Variants in SAMD5 observed in about 807,000 individuals in gnomAD.
SAMD5 encodes the protein sterile alpha motif domain-containing protein 5.
SAMD5 carries 13 observed loss-of-function variants against 11.3 expected under a neutral mutation model. That is an observed-to-expected ratio of 1.15 (90% CI 0.75 to 1.83). The LOEUF is 1.83. Among genes scored for constraint, SAMD5 ranks in the 40% most tolerant of loss-of-function variants. SAMD5 has a pLI of 0.00. For missense variants in SAMD5, 255 were observed against 239.1 expected (o/e 1.07, Z -0.44); for synonymous variants, 129 against 111.3 (o/e 1.16, Z -1.00).
At chr6:147,745,698 T>G in the SAMD5 span, among the ~76,000 whole-genome samples, 2 of 152,108 alleles carry the variant, frequency 1.3e-5, no homozygotes, top group Non-Finnish European at 2.9e-5. Flanking sequence ...TGTGTCTCAC[T>G]AGTGATTTAG....
chr6:147,625,974 G>C (rs1333816341), intron 1 of SAMD5, among the ~76,000 whole-genome samples: 5 of 152,134 alleles, frequency 3.3e-5, no homozygotes, highest in Admixed American at 2.6e-4. Flanking sequence ...CTTGTTTGCT[G>C]TTAAGGGTAG....
At chr6:147,738,543 G>A (rs1283217543), downstream of SAMD5, among the ~76,000 whole-genome samples, 1 of 152,164 alleles carries the variant, frequency 6.6e-6, no homozygotes, top group Non-Finnish European at 1.5e-5. Flanking sequence ...GGAATACTTG[G>A]CTTCATTATG....
chr6:147,628,857 G>A lies in SAMD5; in HGVS notation c.163-108460G>A, dbSNP rs1213162283. Among the ~76,000 whole-genome samples, 3 of 152,258 alleles carry A rather than the reference G, an allele frequency of 2.0e-5. No homozygotes were observed. In the East Asian group the frequency reaches 5.8e-4, roughly 29 times the overall value. ...GGTTGGGTTCATAATTGATTGAATA[G>A]CCATACCCAAAGAGTGCTCATTATC... On this transcript the variant is annotated intron_variant, in intron 1 of 1. Coordinates refer to the SAMD5 transcript ENST00000566741.
chr6:147,564,716 A>T lies in SAMD5; in HGVS notation c.*260A>T. On this transcript the variant is annotated 3_prime_UTR_variant, in exon 2 of 2. Transcript: ENST00000367474. ...TTTTTTAAGAAGATATCATGATGAG[A>T]TACAGTCTTATGCATTTCTTGGCAT... 4.3e-6 allele frequency: 5 copies of T among 1,171,850 alleles called. No homozygotes were observed. Among genetic ancestry groups the T allele is most frequent in the East Asian group, 1.0e-4 (2 of 19,370 alleles). The allele number at this position is 1,171,850 out of a possible 1,614,324, so 72.6% of individuals were successfully genotyped here. A position where few individuals can be genotyped will look rare whatever the true frequency, so the allele number is the denominator to read the frequency against.
chr6:147,830,446 G>A, the SAMD5 span, among the ~76,000 whole-genome samples: 3 of 151,282 alleles, frequency 2.0e-5, no homozygotes, highest in African/African-American at 4.9e-5. Flanking sequence ...TAGTGGAGAC[G>A]GGGTTTCACC....
At chr6:147,690,842 C>T (rs1318954939) in intron 1 of SAMD5, among the ~76,000 whole-genome samples, 1 of 152,108 alleles carries the variant, frequency 6.6e-6, no homozygotes, top group African/African-American at 2.4e-5. Context: ...CAGATGTTGG[C>T]ATTCACCATC....
At chr6:147,666,474 C>T (rs1305504289) in intron 1 of SAMD5, among the ~76,000 whole-genome samples, 1 of 152,148 alleles carries the variant, frequency 6.6e-6, no homozygotes, top group African/African-American at 2.4e-5. Flanking sequence ...GCTAAAGCTT[C>T]AGGCCCTTCC....
the SAMD5 span, among the ~76,000 whole-genome samples, chr6:147,840,170 T>G: frequency 0.11 from 16,946 of 152,140 alleles, 1,179 homozygotes; most frequent in East Asian, 0.34. Context: ...ATTTGCTGAG[T>G]TTTTTGCTCA....
intron 1 of SAMD5, among the ~76,000 whole-genome samples, chr6:147,680,384 G>T (rs1169999352): frequency 6.6e-6 from 1 of 152,016 alleles, no homozygotes; most frequent in Non-Finnish European, 1.5e-5. Flanking sequence ...CTACAAACTT[G>T]CTAAACTCAC....
chr6:147,708,117 G>A (rs1791348948), intron 1 of SAMD5, among the ~76,000 whole-genome samples: 1 of 152,068 alleles, frequency 6.6e-6, no homozygotes, highest in Admixed American at 6.5e-5. Flanking sequence ...CAGAACCTCA[G>A]AATGTGACTG....
chr6:147,881,884 C>T, the SAMD5 span, among the ~76,000 whole-genome samples: 1 of 152,186 alleles, frequency 6.6e-6, no homozygotes, highest in Admixed American at 6.5e-5. Flanking sequence ...ATGTGAGAAA[C>T]TACCACAGGA....
the SAMD5 span, among the ~76,000 whole-genome samples, chr6:147,825,631 G>A: frequency 6.6e-6 from 1 of 152,096 alleles, no homozygotes; most frequent in Non-Finnish European, 1.5e-5. Context: ...TCTATTACAG[G>A]TGGGTAGTAT....
intron 1 of SAMD5, among the ~76,000 whole-genome samples, chr6:147,516,420 T>C (rs1160178086): frequency 1.3e-5 from 2 of 152,166 alleles, no homozygotes; most frequent in African/African-American, 4.8e-5. Flanking sequence ...TGCTCCATAC[T>C]AGGTCACTGT....
At chr6:147,706,597 G>A (rs1202267490) in intron 1 of SAMD5, among the ~76,000 whole-genome samples, 1 of 152,212 alleles carries the variant, frequency 6.6e-6, no homozygotes, top group African/African-American at 2.4e-5. Flanking sequence ...GGTTTGAACT[G>A]TGAGAGTCCA....
At chr6:147,611,282 T>C (rs983628092) in intron 1 of SAMD5, among the ~76,000 whole-genome samples, 8 of 152,108 alleles carry the variant, frequency 5.3e-5, no homozygotes, top group African/African-American at 1.4e-4. Flanking sequence ...GAGAATGATA[T>C]GCAAGTGGAA....
the SAMD5 span, among the ~76,000 whole-genome samples, chr6:147,941,744 T>A: frequency 6.6e-6 from 1 of 151,664 alleles, no homozygotes; most frequent in Middle Eastern, 3.4e-3. Flanking sequence ...AACAGAAACC[T>A]ACATAAACAA....
intron 1 of SAMD5, among the ~76,000 whole-genome samples, chr6:147,527,795 T>TA (rs1788365606): frequency 6.6e-6 from 1 of 151,120 alleles, no homozygotes; most frequent in South Asian, 2.1e-4. Context: ...GTGTTTTTAA[T>TA]AAAGAAAGGT....
At chr6:147,609,182 TA>T (rs1316883011) in intron 1 of SAMD5, among the ~76,000 whole-genome samples, 4 of 152,172 alleles carry the variant, frequency 2.6e-5, no homozygotes, top group Non-Finnish European at 4.4e-5. Context: ...CTTAATGAGA[TA>T]ATCAAGTTAA....
At chr6:147,526,254 C>T (rs562761891) in intron 1 of SAMD5, among the ~76,000 whole-genome samples, 7 of 152,254 alleles carry the variant, frequency 4.6e-5, no homozygotes, top group African/African-American at 7.2e-5. Flanking sequence ...TAGCCTATTA[C>T]GTGATTATTA....
Sources: gnomAD v4.1 joint callset for allele counts (sites outside exome capture counted in the v4.1 genomes callset) on GRCh38, gnomAD v4.1.1 for gene constraint, MANE v1.5 for transcripts, NCBI Gene and HGNC (gene_info 2026-07-23, HGNC 2026-07-21) for gene names.